SLC4A5: variants seen among roughly 807,000 people sequenced by gnomAD.
SLC4A5 encodes solute carrier family 4 member 5, also known as electrogenic sodium bicarbonate cotransporter 4.
SLC4A5 carries 96 observed loss-of-function variants against 120.4 expected under a neutral mutation model. The ratio of observed to expected loss-of-function variants is 0.80; its 90% CI spans 0.68 to 0.94. The LOEUF (loss-of-function observed/expected upper bound fraction) is 0.94, where lower values mean the gene tolerates loss of function less well. Among genes scored for constraint, SLC4A5 ranks in the 40% least tolerant of loss-of-function variants. The probability of loss-of-function intolerance (pLI) is 0.00; values close to 1 mark genes in which losing one functional copy is unlikely to be tolerated. For missense variants in SLC4A5, 1,259 were observed against 1,459.5 expected, an observed-to-expected ratio of 0.86 and a Z score of 2.24; for synonymous variants, 550 against 571.1, an observed-to-expected ratio of 0.96 and a Z score of 0.53.
At chr2:74,265,731 C>T (rs1398764204) in intron 8 of SLC4A5, among the ~76,000 whole-genome samples, 4 of 152,124 alleles carry the variant, frequency 2.6e-5, no homozygotes, top group Admixed American at 6.6e-5. Flanking sequence ...TGTTCCCTGA[C>T]GAAAAGTATT....
At chr2:74,225,060 C>T (rs775751231) in intron 27 of SLC4A5, 65 bp from the exon 28 acceptor site, 1 of 1,515,126 alleles carries the variant, frequency 6.6e-7, no homozygotes, top group Non-Finnish European at 9.0e-7. Context: ...AATGCCCAAA[C>T]TCAGGCATAG....
At chr2:74,260,793 T>C (rs1341968998) in intron 11 of SLC4A5, among the ~76,000 whole-genome samples, 3 of 152,216 alleles carry the variant, frequency 2.0e-5, no homozygotes, top group Admixed American at 1.3e-4. Flanking sequence ...GATCACAGCA[T>C]GCTCCTGCTT....
intron 19 of SLC4A5, among the ~76,000 whole-genome samples, chr2:74,246,419 A>T (rs77252888): frequency 6.6e-6 from 1 of 152,160 alleles, no homozygotes; most frequent in East Asian, 1.9e-4. Flanking sequence ...TCAGCTCTAC[A>T]TCCTGTGGTT....
intron 19 of SLC4A5, among the ~76,000 whole-genome samples, chr2:74,244,110 T>A (rs1234244759): frequency 6.6e-6 from 1 of 152,250 alleles, no homozygotes. Flanking sequence ...TTCTCCCCCC[T>A]CATCCCAGTC....
intron 4 of SLC4A5, among the ~76,000 whole-genome samples, chr2:74,330,324 G>A (rs959996322): frequency 3.3e-5 from 5 of 151,370 alleles, no homozygotes; most frequent in African/African-American, 1.2e-4. Context: ...AGGTGAGGGT[G>A]GTGAGGTCTA....
intron 7 of SLC4A5, among the ~76,000 whole-genome samples, chr2:74,292,370 G>A (rs752783778): frequency 3.9e-5 from 6 of 152,040 alleles, no homozygotes; most frequent in African/African-American, 4.8e-5. Flanking sequence ...AGGCCCCTAC[G>A]CTGTCTCTGC....
chr2:74,274,535 G>C (rs181960090), intron 8 of SLC4A5, among the ~76,000 whole-genome samples: 1 of 152,332 alleles, frequency 6.6e-6, no homozygotes, highest in Admixed American at 6.5e-5. Flanking sequence ...CATGGGTCAA[G>C]GGTCAGCACA....
intron 8 of SLC4A5, among the ~76,000 whole-genome samples, chr2:74,281,657 A>G (rs1275084294): frequency 1.3e-5 from 2 of 152,174 alleles, no homozygotes; most frequent in Non-Finnish European, 2.9e-5. Context: ...GGCTCAGCAG[A>G]GCTCAAAAAG....
intron 18 of SLC4A5, 128 bp downstream of exon 18, chr2:74,248,225 C>T: frequency 1.5e-6 from 2 of 1,291,940 alleles, no homozygotes; most frequent in Non-Finnish European, 1.1e-6. Flanking sequence ...GTAGCCCTTC[C>T]CATAGTTAAA....
chr2:74,304,457 G>A, intron 7 of SLC4A5, 32 bp downstream of exon 7: 1 of 1,572,984 alleles, frequency 6.4e-7, no homozygotes, highest in Non-Finnish European at 8.6e-7. Flanking sequence ...CAGCAGGATG[G>A]CTCCCCAGAA....
At chr2:74,223,432 A>G (rs890859359) in intron 28 of SLC4A5, among the ~76,000 whole-genome samples, 1 of 152,246 alleles carries the variant, frequency 6.6e-6, no homozygotes, top group Non-Finnish European at 1.5e-5. Flanking sequence ...GAATGGGCAC[A>G]GTTAGCCTGC....
intron 7 of SLC4A5, chr2:74,290,490 A>C (rs1672124581): frequency 1.0e-6 from 1 of 985,218 alleles, no homozygotes. Context: ...GAGAGAGGCT[A>C]TATGTAGAGA....
intron 29 of SLC4A5, 50 bp from the exon 30 acceptor site, chr2:74,221,551 A>T (rs1227990574): frequency 1.3e-6 from 2 of 1,569,382 alleles, no homozygotes; most frequent in Admixed American, 3.3e-5. Flanking sequence ...TGAGCACCAT[A>T]TTTCTCCGGG....
chr2:74,289,804 C>G (rs1388221639), intron 7 of SLC4A5, among the ~76,000 whole-genome samples: 2 of 152,028 alleles, frequency 1.3e-5, no homozygotes, highest in African/African-American at 4.8e-5. Context: ...TCCCTGGGAT[C>G]AGAAATCAGT....
chr2:74,328,605 G>A (rs906722638), intron 4 of SLC4A5, among the ~76,000 whole-genome samples: 1 of 152,158 alleles, frequency 6.6e-6, no homozygotes, highest in Admixed American at 6.5e-5. Flanking sequence ...TTTATATAAT[G>A]AAAAATTGAG....
At chr2:74,305,500 T>C (rs1250320829) in intron 6 of SLC4A5, among the ~76,000 whole-genome samples, 5 of 152,142 alleles carry the variant, frequency 3.3e-5, no homozygotes, top group African/African-American at 4.8e-5. Context: ...GTGTGGTGCA[T>C]TTGTTATAAT....
Position 74,226,944 on chromosome 2 carries a change from G to C in SLC4A5, c.3090+13C>G, listed in dbSNP as rs776272391. On this transcript the variant is annotated intron_variant, in intron 27 of 30. Coordinates refer to ENST00000394019, the Ensembl canonical transcript of SLC4A5. ...CCTGCCAGGCAGGAGGGGGAAGCCCGTGCCCACTTTACCATGACCGGGAAG... is the reference window on the plus strand; with the variant it reads ...CCTGCCAGGCAGGAGGGGGAAGCCCCTGCCCACTTTACCATGACCGGGAAG... 6.2e-6 allele frequency: 10 copies of C among 1,610,056 alleles called. No individual in the cohort carries two copies. In the Admixed American group the frequency reaches 1.5e-4, roughly 24 times the overall value.
intron 29 of SLC4A5, 49 bp from the exon 30 acceptor site, chr2:74,221,550 T>C: frequency 6.3e-7 from 1 of 1,576,342 alleles, no homozygotes; most frequent in Non-Finnish European, 8.7e-7. Context: ...TTGAGCACCA[T>C]ATTTCTCCGG....
chr2:74,325,872 G>C (rs969157430), intron 5 of SLC4A5, among the ~76,000 whole-genome samples: 14 of 146,306 alleles, frequency 9.6e-5, no homozygotes, highest in Non-Finnish European at 1.7e-4. Flanking sequence ...GAGGGGAGGG[G>C]GAAAGGGGAA....
Sources: gnomAD v4.1 joint callset for allele counts (sites outside exome capture counted in the v4.1 genomes callset) on GRCh38, gnomAD v4.1.1 for gene constraint, MANE v1.5 for transcripts, NCBI Gene and HGNC (gene_info 2026-07-23, HGNC 2026-07-21) for gene names.